Variants in PDZD2 observed in about 807,000 individuals in gnomAD.
PDZD2 encodes the protein PDZ domain containing 2.
Under a neutral mutation model 220.7 loss-of-function variants are expected in PDZD2, and 90 were observed. The ratio of observed to expected loss-of-function variants is 0.41; its 90% CI spans 0.34 to 0.49. The LOEUF is 0.49. PDZD2 is among the 20% of genes least tolerant of loss of function. The pLI is 0.28. For missense variants in PDZD2, 3,174 were observed against 3,608.5 expected, an observed-to-expected ratio of 0.88 and a Z score of 3.08; for synonymous variants, 1,375 against 1,450.5, an observed-to-expected ratio of 0.95 and a Z score of 1.18.
intron 20 of PDZD2, among the ~76,000 whole-genome samples, chr5:32,091,526 G>A (rs909321253): frequency 1.1e-4 from 16 of 151,866 alleles, no homozygotes; most frequent in Non-Finnish European, 2.1e-4. Context: ...CTTGTGATCC[G>A]CCTGCCTCGG....
At position 31,840,525 on chromosome 5, in the gene PDZD2, C is replaced by A. The variant is rs190388099; in HGVS notation, c.476+40801C>A. On this transcript the variant is annotated intron_variant, in intron 2 of 24. Transcript: ENST00000438447. ...TGAATTCATAGGGAATGGGTTCCAG[C>A]AGCTCAGGCTCCTTCCCACTGGTTC... The A allele has an allele frequency of 1.2e-4, 71 of 569,934 alleles. No individual in the cohort carries two copies. In the African/African-American group the frequency reaches 1.4e-3, roughly 11 times the overall value. 35.3% of individuals were successfully genotyped at this position (569,934 alleles called of 1,614,324 possible). A position where few individuals can be genotyped will look rare whatever the true frequency, so the allele number is the denominator to read the frequency against.
In PDZD2 at chr5:31,777,443, G is replaced by A. The variant is rs569612048; in HGVS notation, c.-360-21446G>A. ...CGTGTCCGGAGCCTCCCCGACGGGC[G>A]CCGCCCCCTGCTCCGTGGCGCCTGG... is the stretch of plus-strand genomic sequence containing the variant. On this transcript the variant is annotated intron_variant, in intron 1 of 24. Coordinates refer to ENST00000438447, the MANE Select transcript of PDZD2 (RefSeq NM_178140.4). 4.6e-4 allele frequency among the ~76,000 whole-genome samples: 70 copies of A among 151,984 alleles called. No homozygotes were observed. In the East Asian group the frequency reaches 5.2e-3, roughly 11 times the overall value.
chr5:31,850,243 T>TATATATACACACAC (rs577432352), intron 2 of PDZD2, among the ~76,000 whole-genome samples: 1 of 122,234 alleles, frequency 8.2e-6, no homozygotes, highest in African/African-American at 3.0e-5. Flanking sequence ...TATATATATA[T>TATATATACACACAC]ACACACACAC....
chr5:31,922,841 GCCGATTT>G (rs1296013174), intron 2 of PDZD2, among the ~76,000 whole-genome samples: 4 of 152,110 alleles, frequency 2.6e-5, no homozygotes, highest in African/African-American at 9.7e-5. Flanking sequence ...TCCAGGCCCA[GCCGATTT>G]TTGTATTTTT....
intron 6 of PDZD2, among the ~76,000 whole-genome samples, chr5:32,020,652 TTC>T (rs1491044014): frequency 9.0e-6 from 1 of 111,424 alleles, no homozygotes; most frequent in Non-Finnish European, 2.3e-5. Context: ...CTTTTTTTTT[TTC>T]TTTTTTTTTT....
At chr5:32,009,764 C>T (rs1342384641) in intron 5 of PDZD2, among the ~76,000 whole-genome samples, 3 of 151,592 alleles carry the variant, frequency 2.0e-5, no homozygotes, top group African/African-American at 7.3e-5. Context: ...ATAAAGGGAT[C>T]TTAAATTCAG....
intron 2 of PDZD2, among the ~76,000 whole-genome samples, chr5:31,943,571 G>C (rs995253602): frequency 6.6e-6 from 1 of 152,176 alleles, no homozygotes; most frequent in Non-Finnish European, 1.5e-5. Flanking sequence ...GAAATATTTA[G>C]AACCCAACCT....
chr5:31,926,672 G>C (rs1255514308), intron 2 of PDZD2, among the ~76,000 whole-genome samples: 1 of 152,060 alleles, frequency 6.6e-6, no homozygotes, highest in East Asian at 1.9e-4. Context: ...ATTTCTCAAA[G>C]AACTTAAAAC....
intron 1 of PDZD2, among the ~76,000 whole-genome samples, chr5:31,721,241 G>A (rs573358606): frequency 1.3e-5 from 2 of 152,206 alleles, no homozygotes; most frequent in African/African-American, 4.8e-5. Context: ...ACTTTAAGGT[G>A]CCTCCACAGT....
chr5:31,848,865 C>T (rs10054888), intron 2 of PDZD2, among the ~76,000 whole-genome samples: 1,942 of 151,682 alleles, frequency 0.013, 19 homozygotes, highest in African/African-American at 0.023. Context: ...CTGGCTAACA[C>T]GGTGAAACCC....
intron 1 of PDZD2, among the ~76,000 whole-genome samples, chr5:31,658,681 G>T (rs913970888): frequency 6.6e-6 from 1 of 151,564 alleles, no homozygotes; most frequent in South Asian, 2.1e-4. Flanking sequence ...GTGCAGTGGC[G>T]CAGTCTCGTC....
Position 31,770,101 on chromosome 5 carries a change from A to G in PDZD2, c.-360-28788A>G. 1.3e-5 allele frequency among the ~76,000 whole-genome samples: 2 copies of G among 152,244 alleles called. 1 individual carries two copies. The highest frequency in any genetic ancestry group is 2.9e-5 in the Non-Finnish European group (2 of 68,046). Reference sequence around the variant, plus strand: ...GAAGAAAAAGCTTTGTGAGTTCTGCATAATCACAAAGAAAGGGAAAGTAGG... The same window carrying G: ...GAAGAAAAAGCTTTGTGAGTTCTGCGTAATCACAAAGAAAGGGAAAGTAGG... On this transcript the variant is annotated intron_variant, in intron 1 of 24. Transcript: ENST00000438447.
Position 32,089,714 on chromosome 5 carries a change from A to C in PDZD2, c.6266A>C (p.Gln2089Pro), listed in dbSNP as rs750401416. 3.0e-5 allele frequency: 49 copies of C among 1,614,114 alleles called. No homozygotes were observed. The South Asian group carries it at 4.4e-4, about 14-fold the overall frequency. ...MASDRLERTN[Q>P]LKIVEISAEA... The stretch of plus-strand genomic sequence containing the variant: ...AGCGATCGCCTCGAAAGAACAAACC[A>C]GCTGAAAATCGTGGAGATTTCTGCT... The change falls in exon 20 of 25, where the codon CAG (glutamine) becomes CCG (proline). Residue 2089 changes from glutamine (Q) to proline (P), a missense_variant. Coordinates refer to ENST00000438447, the MANE Select transcript of PDZD2 (RefSeq NM_178140.4).
intron 9 of PDZD2, among the ~76,000 whole-genome samples, chr5:32,053,433 T>G (rs1020587455): frequency 6.6e-6 from 1 of 152,258 alleles, no homozygotes; most frequent in Non-Finnish European, 1.5e-5. Flanking sequence ...AAATGACTCT[T>G]AAGAGCTATT....
At chr5:31,679,035 T>A (rs66848713) in intron 1 of PDZD2, among the ~76,000 whole-genome samples, 28,481 of 152,080 alleles carry the variant, frequency 0.19, 2,799 homozygotes, top group Middle Eastern at 0.22. Context: ...GTCAAAAAAA[T>A]TTTCCCTGCC....
At chr5:31,841,527 G>C (rs12153085) in intron 2 of PDZD2, among the ~76,000 whole-genome samples, 16,769 of 152,202 alleles carry the variant, frequency 0.11, 1,231 homozygotes, top group East Asian at 0.36. Flanking sequence ...ACAAAAATTA[G>C]CCAGACATGG....
chr5:31,847,479 G>C (rs1757649855), intron 2 of PDZD2: 20 of 613,298 alleles, frequency 3.3e-5, no homozygotes, highest in South Asian at 3.1e-4. Flanking sequence ...ATGTAGAAGG[G>C]GATATGATAG....
At chr5:31,945,071 A>G (rs1746520552) in intron 2 of PDZD2, among the ~76,000 whole-genome samples, 1 of 152,174 alleles carries the variant, frequency 6.6e-6, no homozygotes. Context: ...TAAGATTTTC[A>G]TGGATGTTTG....
chr5:31,744,930 G>A (rs941680055), intron 1 of PDZD2, among the ~76,000 whole-genome samples: 10 of 151,908 alleles, frequency 6.6e-5, no homozygotes, highest in African/African-American at 1.2e-4. Context: ...AAAATTAGCC[G>A]GGCGTGGTGG....
Sources: allele counts gnomAD v4.1 joint callset (sites outside exome capture counted in the v4.1 genomes callset), GRCh38; gene constraint gnomAD v4.1.1; transcripts MANE v1.5; gene names NCBI Gene and HGNC (gene_info 2026-07-23, HGNC 2026-07-21).